Variants in NR3C1 observed in about 807,000 individuals in gnomAD.
NR3C1 encodes the protein nuclear receptor subfamily 3 group C member 1.
Under a neutral mutation model 74.0 loss-of-function variants are expected in NR3C1, and 14 were observed. The observed-to-expected ratio is 0.19, with a 90% confidence interval of 0.12 to 0.30. The LOEUF (loss-of-function observed/expected upper bound fraction) is 0.30. NR3C1 is among the 10% of genes least tolerant of loss of function. The pLI, the probability that NR3C1 is intolerant of heterozygous loss-of-function variation, is 1.00. For synonymous variants in NR3C1, 308 were observed against 332.5 expected (o/e 0.93, Z 0.80); for missense variants, 695 against 909.8 (o/e 0.76, Z 3.04).
intron 2 of NR3C1, among the ~76,000 whole-genome samples, chr5:143,355,645 A>G (rs1315429094): frequency 2.0e-5 from 3 of 152,226 alleles, no homozygotes; most frequent in African/African-American, 4.8e-5. Context: ...ATAAATCAAC[A>G]TAAGGAGCAA....
chr5:143,404,677 T>A, upstream of NR3C1: 1 of 233,940 alleles, frequency 4.3e-6, no homozygotes, highest in Non-Finnish European at 6.8e-6. Context: ...TTCTTTGCAC[T>A]TTTTTTTTAT....
At chr5:143,306,339 AGAG>A (rs1340684930) in intron 4 of NR3C1, among the ~76,000 whole-genome samples, 1 of 151,008 alleles carries the variant, frequency 6.6e-6, no homozygotes, top group East Asian at 1.9e-4. Context: ...CTGATGAACA[AGAG>A]AATATTTCTG....
intron 2 of NR3C1, among the ~76,000 whole-genome samples, chr5:143,369,351 A>G (rs1833846653): frequency 6.6e-6 from 1 of 152,224 alleles, no homozygotes; most frequent in South Asian, 2.1e-4. Context: ...AGGTATCCAC[A>G]CAAGAGAAAT....
At chr5:143,333,001 C>T in intron 2 of NR3C1, 1 of 1,585,560 alleles carries the variant, frequency 6.3e-7, no homozygotes, top group Non-Finnish European at 8.6e-7. Context: ...ATCCCTCTGA[C>T]AGACAACACA....
At chr5:143,314,741 A>AC (rs1214719046) in intron 2 of NR3C1, among the ~76,000 whole-genome samples, 7 of 152,300 alleles carry the variant, frequency 4.6e-5, no homozygotes, top group Admixed American at 6.5e-5. Context: ...TTACAATCTT[A>AC]AAGTTTTTGT....
intron 2 of NR3C1, among the ~76,000 whole-genome samples, chr5:143,330,773 A>G (rs1825784380): frequency 6.6e-6 from 1 of 152,208 alleles, no homozygotes; most frequent in Non-Finnish European, 1.5e-5. Context: ...TGTCACTTTC[A>G]ACAAAATCAT....
intron 1 of NR3C1, among the ~76,000 whole-genome samples, chr5:143,434,092 CT>C (rs1366041997): frequency 3.3e-5 from 5 of 152,234 alleles, no homozygotes; most frequent in Non-Finnish European, 5.9e-5. Context: ...ATTCAGACCC[CT>C]GATCAAATGT....
In NR3C1 at chr5:143,361,390, T is replaced by C. The variant is rs77164425; in HGVS notation, c.1184+38266A>G. ...AGTGCCTTAATTTTTCTACTTTCCA[T>C]TGATTTCTCTAAAATAAAATTAAAA... On this transcript the variant is annotated intron_variant, in intron 2 of 8. Transcript: ENST00000394464. Among the ~76,000 whole-genome samples the C allele has an allele frequency of 4.5e-3, 690 of 152,358 alleles. 4 individuals are homozygous for C. The highest frequency in any genetic ancestry group is 0.016 in the African/African-American group (658 of 41,574).
At chr5:143,299,493 G>T (rs928645896) in intron 5 of NR3C1, among the ~76,000 whole-genome samples, 1 of 152,144 alleles carries the variant, frequency 6.6e-6, no homozygotes, top group Non-Finnish European at 1.5e-5. Flanking sequence ...TGGTTGACGG[G>T]TGCAAAAATA....
intron 7 of NR3C1, chr5:143,294,273 C>G (rs745493566): frequency 8.8e-5 from 86 of 978,952 alleles, no homozygotes; most frequent in Non-Finnish European, 9.9e-5. Context: ...TAAAAAATTG[C>G]AAATGTACTT....
upstream of NR3C1, chr5:143,404,676 C>CT (rs72557311): frequency 2.9e-3 from 767 of 266,776 alleles, 2 homozygotes; most frequent in African/African-American, 0.014. Flanking sequence ...TTTCTTTGCA[C>CT]TTTTTTTTTA....
chr5:143,414,268 A>G (rs1053368100), intron 1 of NR3C1, among the ~76,000 whole-genome samples: 3 of 152,192 alleles, frequency 2.0e-5, no homozygotes, highest in Non-Finnish European at 4.4e-5. Flanking sequence ...TCTCACTTGA[A>G]TATGATTCCA....
At position 143,403,473 on chromosome 5, in the gene NR3C1, C is replaced by G. The variant is rs1254178738; in HGVS notation, c.-276G>C. On this transcript the variant is annotated 5_prime_UTR_variant, in exon 1 of 9. Coordinates refer to ENST00000394464, the MANE Select transcript of NR3C1 (RefSeq NM_000176.3). Reference sequence around the variant, plus strand: ...AGGTTCCGGGCGCGCGTGCCCCGTCCCGGTCCCAGCTGCTTCGGCCGCTCC... The same window carrying G: ...AGGTTCCGGGCGCGCGTGCCCCGTCGCGGTCCCAGCTGCTTCGGCCGCTCC... 1 of 985,256 alleles carries G rather than the reference C, an allele frequency of 1.0e-6. No homozygotes were observed. Among genetic ancestry groups the G allele is most frequent in the East Asian group, 1.1e-4 (1 of 8,782 alleles). 61.0% of individuals were successfully genotyped at this position (985,256 alleles called of 1,614,324 possible).
chr5:143,297,479 A>C (rs150730853), intron 6 of NR3C1, among the ~76,000 whole-genome samples: 14 of 152,354 alleles, frequency 9.2e-5, no homozygotes, highest in African/African-American at 3.1e-4. Context: ...ATGATGAGTA[A>C]TAATGTCTTC....
chr5:143,366,961 G>A (rs187742349), intron 2 of NR3C1, among the ~76,000 whole-genome samples: 1 of 152,126 alleles, frequency 6.6e-6, no homozygotes, highest in Non-Finnish European at 1.5e-5. Context: ...TATACTTACT[G>A]GTCAGCTACA....
intron 2 of NR3C1, among the ~76,000 whole-genome samples, chr5:143,325,488 T>A (rs1318030375): frequency 6.6e-6 from 1 of 152,206 alleles, no homozygotes; most frequent in Non-Finnish European, 1.5e-5. Context: ...CCAAACCGCA[T>A]CACTATCTCT....
At chr5:143,293,813 A>C (rs1378807118) in intron 7 of NR3C1, 26 of 871,250 alleles carry the variant, frequency 3.0e-5, no homozygotes, top group Non-Finnish European at 3.2e-5. Flanking sequence ...ATTTACAATG[A>C]AAAAAATCAT....
chr5:143,333,016 T>C (rs1025241552), intron 2 of NR3C1: 17 of 1,588,274 alleles, frequency 1.1e-5, no homozygotes, highest in African/African-American at 2.7e-5. Context: ...AACACAGTGA[T>C]TGAGGAGCAC....
intron 7 of NR3C1, among the ~76,000 whole-genome samples, chr5:143,289,298 C>T (rs1815306195): frequency 6.6e-6 from 1 of 151,502 alleles, no homozygotes; most frequent in African/African-American, 2.4e-5. Flanking sequence ...GAAAGTAGAC[C>T]CACACATATA....
Sources: allele counts gnomAD v4.1 joint callset (sites outside exome capture counted in the v4.1 genomes callset), GRCh38; gene constraint gnomAD v4.1.1; transcripts MANE v1.5; gene names NCBI Gene and HGNC (gene_info 2026-07-23, HGNC 2026-07-21).